PAK5: variants seen among roughly 807,000 people sequenced by gnomAD.
PAK5 encodes serine/threonine-protein kinase PAK 5.
Under a neutral mutation model 65.9 loss-of-function variants are expected in PAK5, and 16 were observed. The ratio of observed to expected loss-of-function variants is 0.24; its 90% CI spans 0.16 to 0.37. The LOEUF is 0.37. PAK5 is among the 10% of genes least tolerant of loss of function. The pLI, the probability that PAK5 is intolerant of heterozygous loss-of-function variation, is 1.00. For missense variants in PAK5, 785 were observed against 903.9 expected (o/e 0.87, Z 1.69); for synonymous variants, 371 against 354.9 (o/e 1.05, Z -0.51).
In PAK5 at chr20:9,727,520, G is replaced by T. The variant is rs145894883; in HGVS notation, c.-161-16085C>A. On this transcript the variant is annotated intron_variant, in intron 1 of 9. Coordinates refer to ENST00000353224, the MANE Select transcript of PAK5 (RefSeq NM_177990.4). The stretch of plus-strand genomic sequence containing the variant: ...GTCCCAATATTTTTAGTATCTGTCA[G>T]TAGATTGTGTCTGCCACAATTGTTA... Among the ~76,000 whole-genome samples the T allele has an allele frequency of 3.5e-4, 53 of 152,246 alleles. 1 individual carries two copies. The East Asian group carries it at 8.7e-3, about 25-fold the overall frequency.
At chr20:9,582,259 T>G (rs1280235629) in intron 3 of PAK5, among the ~76,000 whole-genome samples, 1 of 152,172 alleles carries the variant, frequency 6.6e-6, no homozygotes, top group Non-Finnish European at 1.5e-5. Flanking sequence ...GATAGTTCAT[T>G]ACATTTATTT....
chr20:9,774,986 A>G (rs2048872714), intron 1 of PAK5, among the ~76,000 whole-genome samples: 1 of 152,050 alleles, frequency 6.6e-6, no homozygotes, highest in Non-Finnish European at 1.5e-5. Flanking sequence ...ACAAAAAACT[A>G]CTCACATACA....
intron 1 of PAK5, among the ~76,000 whole-genome samples, chr20:9,726,890 A>G (rs2048283989): frequency 6.6e-6 from 1 of 152,174 alleles, no homozygotes; most frequent in Non-Finnish European, 1.5e-5. Context: ...GACACCAAAG[A>G]GGTGTGCTCT....
intron 2 of PAK5, among the ~76,000 whole-genome samples, chr20:9,675,553 G>C (rs1409479551): frequency 1.3e-5 from 2 of 151,988 alleles, no homozygotes; most frequent in Non-Finnish European, 2.9e-5. Context: ...CTGTTGCCCA[G>C]GTTGGTCTTG....
At chr20:9,760,858 G>T (rs1387135446) in intron 1 of PAK5, among the ~76,000 whole-genome samples, 1 of 151,698 alleles carries the variant, frequency 6.6e-6, no homozygotes, top group Non-Finnish European at 1.5e-5. Flanking sequence ...ATTTTTAGTA[G>T]AGACAAGGTT....
At chr20:9,734,552 G>GCACGCA (rs1555919100) in intron 1 of PAK5, among the ~76,000 whole-genome samples, 1 of 149,368 alleles carries the variant, frequency 6.7e-6, no homozygotes, top group Non-Finnish European at 1.5e-5. Flanking sequence ...ACGCGCACAT[G>GCACGCA]CACACACACA....
At chr20:9,611,007 C>T (rs1035469520) in intron 3 of PAK5, among the ~76,000 whole-genome samples, 2 of 152,322 alleles carry the variant, frequency 1.3e-5, no homozygotes, top group Admixed American at 6.5e-5. Flanking sequence ...CCTCACCAGA[C>T]GCAAAACCTG....
intron 2 of PAK5, among the ~76,000 whole-genome samples, chr20:9,683,436 G>A (rs1881315236): frequency 6.6e-6 from 1 of 152,148 alleles, no homozygotes; most frequent in Admixed American, 6.5e-5. Context: ...ACCAGATGAA[G>A]GTAAATACAA....
intron 2 of PAK5, among the ~76,000 whole-genome samples, chr20:9,704,834 G>T (rs868034957): frequency 6.2e-4 from 95 of 152,140 alleles, no homozygotes; most frequent in African/African-American, 2.2e-3. Context: ...TCTGCTATGT[G>T]ACACGCAACA....
intron 1 of PAK5, among the ~76,000 whole-genome samples, chr20:9,721,781 T>C (rs1047018885): frequency 6.6e-6 from 1 of 151,606 alleles, no homozygotes; most frequent in Non-Finnish European, 1.5e-5. Flanking sequence ...CTGGGAAATA[T>C]AGTTCAGAAA....
intron 9 of PAK5, among the ~76,000 whole-genome samples, chr20:9,541,819 T>C (rs2045268747): frequency 6.6e-6 from 1 of 152,208 alleles, no homozygotes; most frequent in South Asian, 2.1e-4. Flanking sequence ...CCCATGTTAT[T>C]CTCAAGATAG....
chr20:9,614,583 T>G (rs1446452465), intron 3 of PAK5, among the ~76,000 whole-genome samples: 1 of 152,058 alleles, frequency 6.6e-6, no homozygotes, highest in East Asian at 1.9e-4. Context: ...ATGCCAAAGG[T>G]GAAAAACACC....
At chr20:9,657,616 T>A (rs1237142530) in intron 2 of PAK5, among the ~76,000 whole-genome samples, 1 of 152,212 alleles carries the variant, frequency 6.6e-6, no homozygotes, top group Non-Finnish European at 1.5e-5. Context: ...TATTTAAAAT[T>A]AAAGATGTAC....
At position 9,566,112 on chromosome 20, in the gene PAK5, G is replaced by A. The variant is rs2122996532; in HGVS notation, c.1263C>T (p.Asp421=). 6.2e-7 allele frequency: 1 copy of A among 1,613,918 alleles called. No individual in the cohort carries two copies. Among genetic ancestry groups the A allele is most frequent in the South Asian group, 1.1e-5 (1 of 91,062 alleles). Residue 421 remains aspartate, a synonymous_variant, in exon 5 of 10, where the codon GAC becomes GAT. Transcript: ENST00000353224. The part of the protein sequence containing the change: ...YPPPSWGSSS[D]QQPSRVSHEQ... ...CATGGGACACCCTGGAGGGCTGCTG[G>A]TCGGAGGAGGAGCCCCAGCTGGGCG...
At chr20:9,614,074 T>G (rs986477294) in intron 3 of PAK5, among the ~76,000 whole-genome samples, 6 of 152,200 alleles carry the variant, frequency 3.9e-5, no homozygotes, top group Non-Finnish European at 8.8e-5. Context: ...TAACTATGAT[T>G]CATGTGCTAA....
intron 1 of PAK5, among the ~76,000 whole-genome samples, chr20:9,712,152 A>C (rs1004799621): frequency 4.6e-5 from 7 of 152,168 alleles, no homozygotes; most frequent in African/African-American, 1.7e-4. Context: ...GCCATTTCAA[A>C]CCATGGAAAC....
At chr20:9,604,562 A>T (rs1224657168) in intron 3 of PAK5, among the ~76,000 whole-genome samples, 1 of 152,200 alleles carries the variant, frequency 6.6e-6, no homozygotes, top group Non-Finnish European at 1.5e-5. Context: ...TGGAGGAATC[A>T]GGTTTTGAAG....
At chr20:9,807,325 C>T (rs2049244687) in intron 1 of PAK5, among the ~76,000 whole-genome samples, 1 of 152,150 alleles carries the variant, frequency 6.6e-6, no homozygotes, top group South Asian at 2.1e-4. Flanking sequence ...CATTTGTCAT[C>T]TCCCTTTTAA....
intron 2 of PAK5, among the ~76,000 whole-genome samples, chr20:9,695,497 T>A (rs2047856592): frequency 6.6e-6 from 1 of 152,078 alleles, no homozygotes; most frequent in East Asian, 1.9e-4. Context: ...GATCTATGTG[T>A]ATTGCAACTG....
Sources: gnomAD v4.1 joint callset for allele counts (sites outside exome capture counted in the v4.1 genomes callset) on GRCh38, gnomAD v4.1.1 for gene constraint, MANE v1.5 for transcripts, NCBI Gene and HGNC (gene_info 2026-07-23, HGNC 2026-07-21) for gene names.